FREM2: variants seen among roughly 807,000 people sequenced by gnomAD.
FREM2 encodes FRAS1 related extracellular matrix 2, also known as FRAS1-related extracellular matrix protein 2.
A neutral mutation model predicts 219.9 loss-of-function variants in FREM2; 119 were observed. The ratio of observed to expected loss-of-function variants is 0.54; its 90% CI spans 0.47 to 0.63. The LOEUF is 0.63. Among genes scored for constraint, FREM2 ranks in the 30% least tolerant of loss-of-function variants. The pLI is 0.00. For synonymous variants in FREM2, 1,562 were observed against 1,522.8 expected (o/e 1.03, Z -0.60); for missense variants, 4,030 against 3,993.6 (o/e 1.01, Z -0.25).
intron 2 of FREM2, among the ~76,000 whole-genome samples, chr13:38,700,804 G>A (rs1425842612): frequency 6.6e-6 from 1 of 152,010 alleles, no homozygotes; most frequent in Non-Finnish European, 1.5e-5. Context: ...AACTTCTCTG[G>A]GTTCTCCAGA....
At chr13:38,871,285 A>C (rs912435495) in intron 16 of FREM2, among the ~76,000 whole-genome samples, 1 of 152,208 alleles carries the variant, frequency 6.6e-6, no homozygotes, top group South Asian at 2.1e-4. Context: ...AGAATGTTCT[A>C]AATTATAGTT....
At position 38,687,503 on chromosome 13, in the gene FREM2, G is replaced by A. The variant is rs377464365; in HGVS notation, c.159G>A (p.Arg53=). The A allele has an allele frequency of 6.3e-7, 1 of 1,595,602 alleles. No individual in the cohort carries two copies. Among genetic ancestry groups the A allele is most frequent in the African/African-American group, 1.3e-5 (1 of 74,794 alleles). The part of the protein sequence containing the change: ...RVPAQPAAFG[R]ALLSPGLAGA... ...CGGCACAGCCCGCTGCCTTCGGCAG[G>A]GCGTTGCTGTCCCCTGGTCTCGCGG... Residue 53 remains arginine, a synonymous_variant, in exon 1 of 24, where the codon AGG becomes AGA. Transcript: ENST00000280481.
chr13:38,876,684 C>T (rs1055620530), intron 20 of FREM2, among the ~76,000 whole-genome samples: 8 of 152,072 alleles, frequency 5.3e-5, no homozygotes, highest in Non-Finnish European at 1.2e-4. Context: ...GAATTTTCCC[C>T]GCACTTCTGC....
chr13:38,786,897 T>C (rs573913628), intron 6 of FREM2, among the ~76,000 whole-genome samples: 82 of 152,296 alleles, frequency 5.4e-4, no homozygotes, highest in African/African-American at 1.9e-3. Context: ...ACGAAGCTAG[T>C]ATACAGCAAA....
chr13:38,852,765 C>T (rs1387525973), intron 11 of FREM2, among the ~76,000 whole-genome samples: 1 of 147,902 alleles, frequency 6.8e-6, no homozygotes, highest in East Asian at 2.0e-4. Context: ...CATGCAGTGG[C>T]GTAATCACAG....
chr13:38,862,113 C>T (rs751024160), intron 15 of FREM2, among the ~76,000 whole-genome samples: 37 of 152,134 alleles, frequency 2.4e-4, no homozygotes, highest in East Asian at 5.8e-4. Flanking sequence ...TTACCATGTG[C>T]GGAAGGCATT....
At chr13:38,754,876 T>TGAA (rs1566129603) in intron 2 of FREM2, among the ~76,000 whole-genome samples, 1 of 74,268 alleles carries the variant, frequency 1.3e-5, no homozygotes, top group Non-Finnish European at 2.9e-5. Flanking sequence ...ATGATGATGA[T>TGAA]GATGATGATG....
intron 2 of FREM2, among the ~76,000 whole-genome samples, chr13:38,754,372 A>G (rs1872896873): frequency 6.6e-6 from 1 of 152,144 alleles, no homozygotes; most frequent in Non-Finnish European, 1.5e-5. Flanking sequence ...CAATAGCACT[A>G]ATTTATAAAT....
chr13:38,826,832 A>G (rs1876306289), intron 6 of FREM2, among the ~76,000 whole-genome samples: 2 of 152,232 alleles, frequency 1.3e-5, no homozygotes, highest in South Asian at 2.1e-4. Context: ...TGATTTTTGA[A>G]GCAGTGACAA....
At position 38,691,216 on chromosome 13, in the gene FREM2, C is replaced by G; in HGVS notation, c.3872C>G (p.Thr1291Arg). Residue 1291 changes from threonine to arginine, a missense_variant, in exon 1 of 24, where the codon ACG becomes AGG. Coordinates refer to ENST00000280481, the MANE Select transcript of FREM2 (RefSeq NM_207361.6). ...GATGGGAAGCACTCTGTGGAAAAGACGGTCCTCATTATAGTTATCCCTGTT... is the reference window on the plus strand; with the variant it reads ...GATGGGAAGCACTCTGTGGAAAAGAGGGTCCTCATTATAGTTATCCCTGTT... ...LTDGKHSVEK[T>R]VLIIVIPVDD... 6.2e-7 allele frequency: 1 copy of G among 1,613,890 alleles called. No individual in the cohort carries two copies. The highest frequency in any genetic ancestry group is 1.1e-5 in the South Asian group (1 of 91,064).
intron 18 of FREM2, among the ~76,000 whole-genome samples, chr13:38,874,906 A>G (rs543107506): frequency 6.6e-5 from 10 of 152,304 alleles, no homozygotes; most frequent in African/African-American, 2.2e-4. Flanking sequence ...CTTTGCTTCC[A>G]TTGTACAAAT....
Position 38,784,541 on chromosome 13 carries a change from T to C in FREM2, c.5768-16T>C. 6.2e-7 allele frequency: 1 copy of C among 1,613,928 alleles called. No homozygotes were observed. Among genetic ancestry groups the C allele is most frequent in the Non-Finnish European group, 8.5e-7 (1 of 1,179,908 alleles). On this transcript the variant is annotated splice_polypyrimidine_tract_variant and intron_variant, in intron 5 of 23. Transcript: ENST00000280481. Reference sequence around the variant, plus strand: ...ATGTTCTACATAAAAATCTTTTGAATTCTCTCTGCTTCCAGGAACAGCAAC... The same window carrying C: ...ATGTTCTACATAAAAATCTTTTGAACTCTCTCTGCTTCCAGGAACAGCAAC...
At chr13:38,780,324 T>C (rs12873641) in intron 4 of FREM2, among the ~76,000 whole-genome samples, 1 of 152,202 alleles carries the variant, frequency 6.6e-6, no homozygotes, top group Non-Finnish European at 1.5e-5. Flanking sequence ...TATTCTTCTG[T>C]TTCTTGCGCA....
Position 38,688,940 on chromosome 13 carries a change from G to C in FREM2, c.1596G>C (p.Leu532=), listed in dbSNP as rs1053628004. The C allele has an allele frequency of 2.5e-6, 4 of 1,612,856 alleles. No homozygotes were observed. In the African/African-American group the frequency reaches 5.3e-5, roughly 22 times the overall value. The part of the protein sequence containing the change: ...DDRDGSLSDN[L]VLRMVDGGGR... ...GAGACGGCTCGCTGAGCGACAACCT[G>C]GTGCTTCGCATGGTGGATGGAGGAG... Residue 532 remains leucine, a synonymous_variant, in exon 1 of 24, where the codon CTG becomes CTC. Coordinates refer to ENST00000280481, the MANE Select transcript of FREM2 (RefSeq NM_207361.6).
At chr13:38,842,438 G>A (rs1320251586) in intron 6 of FREM2, among the ~76,000 whole-genome samples, 1 of 152,180 alleles carries the variant, frequency 6.6e-6, no homozygotes, top group African/African-American at 2.4e-5. Flanking sequence ...AGGTGACCCT[G>A]TGGATTCCGT....
chr13:38,760,753 A>T (rs1163796287), intron 2 of FREM2, among the ~76,000 whole-genome samples: 1 of 152,176 alleles, frequency 6.6e-6, no homozygotes, highest in Non-Finnish European at 1.5e-5. Context: ...GATGCAATAG[A>T]TGTTTTTCTA....
intron 6 of FREM2, among the ~76,000 whole-genome samples, chr13:38,797,861 T>C (rs532325257): frequency 1.3e-5 from 2 of 152,236 alleles, no homozygotes; most frequent in South Asian, 4.1e-4. Flanking sequence ...AGATATCCAA[T>C]TTAGCCAGCA....
intron 20 of FREM2, 35 bp downstream of exon 20, chr13:38,876,417 A>G (rs376292004): frequency 8.8e-6 from 14 of 1,586,820 alleles, no homozygotes; most frequent in Non-Finnish European, 1.2e-5. Flanking sequence ...TATGACTTGC[A>G]GAATCCCACT....
chr13:38,687,194 G>C lies in FREM2; in HGVS notation c.-151G>C. On this transcript the variant is annotated 5_prime_UTR_variant, in exon 1 of 24. Transcript: ENST00000280481. The stretch of plus-strand genomic sequence containing the variant: ...AGCCCGGACGGCGCCGCGCAACTTT[G>C]CCATCCTTCTGGCCCAGCCCCGGCT... 9 of 1,114,244 alleles carry C rather than the reference G, an allele frequency of 8.1e-6. No individual in the cohort carries two copies. Among genetic ancestry groups the C allele is most frequent in the Non-Finnish European group, 1.2e-5 (9 of 775,174 alleles). 69.0% of individuals were successfully genotyped at this position (1,114,244 alleles called of 1,614,324 possible).
Sources: allele counts gnomAD v4.1 joint callset (sites outside exome capture counted in the v4.1 genomes callset), GRCh38; gene constraint gnomAD v4.1.1; transcripts MANE v1.5; gene names NCBI Gene and HGNC (gene_info 2026-07-23, HGNC 2026-07-21).